LRMDA: variants seen among roughly 807,000 people sequenced by gnomAD.
LRMDA encodes leucine rich melanocyte differentiation associated.
A neutral mutation model predicts 29.8 loss-of-function variants in LRMDA; 18 were observed. That is an observed-to-expected ratio of 0.60 (90% CI 0.42 to 0.90). The LOEUF (loss-of-function observed/expected upper bound fraction) is 0.90. LRMDA is among the 40% of genes least tolerant of loss of function. LRMDA has a pLI of 0.00. For synonymous variants in LRMDA, 125 were observed against 109.4 expected, an observed-to-expected ratio of 1.14 and a Z score of -0.89; for missense variants, 273 against 273.9, an observed-to-expected ratio of 1.00 and a Z score of 0.02.
At position 75,738,044 on chromosome 10, in the gene LRMDA, G is replaced by A. The variant is rs553521908; in HGVS notation, c.132-297964G>A. On this transcript the variant is annotated intron_variant, in intron 2 of 6. Transcript: ENST00000611255. ...CCATTTTTACAAGCTGTCAAGAAACGATGTTCATAGAAACTTCCACTTTTG... is the reference window on the plus strand; with the variant it reads ...CCATTTTTACAAGCTGTCAAGAAACAATGTTCATAGAAACTTCCACTTTTG... Among the ~76,000 whole-genome samples, 6 of 152,254 alleles carry A rather than the reference G, an allele frequency of 3.9e-5. No individual in the cohort carries two copies. In the East Asian group the frequency reaches 9.7e-4, roughly 25 times the overall value.
At chr10:76,175,755 T>G (rs1850922440) in intron 5 of LRMDA, among the ~76,000 whole-genome samples, 1 of 152,162 alleles carries the variant, frequency 6.6e-6, no homozygotes, top group Non-Finnish European at 1.5e-5. Flanking sequence ...GGGCAGACCC[T>G]GCAAACAATC....
chr10:76,195,935 C>T (rs1460270600), intron 5 of LRMDA, among the ~76,000 whole-genome samples: 1 of 152,198 alleles, frequency 6.6e-6, no homozygotes, highest in Non-Finnish European at 1.5e-5. Flanking sequence ...TTACTTTGGT[C>T]TCCTTGTCAG....
chr10:76,407,918 A>G (rs1395885389), intron 6 of LRMDA, among the ~76,000 whole-genome samples: 2 of 152,218 alleles, frequency 1.3e-5, no homozygotes, highest in Non-Finnish European at 2.9e-5. Context: ...TTAGATTATC[A>G]GAGCTGGACC....
chr10:76,503,397 G>A (rs1341311609), intron 6 of LRMDA, among the ~76,000 whole-genome samples: 1 of 151,488 alleles, frequency 6.6e-6, no homozygotes, highest in African/African-American at 2.4e-5. Flanking sequence ...AGTAGGATTG[G>A]TACCCATTTT....
At chr10:76,103,655 A>T (rs1311591692) in intron 5 of LRMDA, among the ~76,000 whole-genome samples, 1 of 152,190 alleles carries the variant, frequency 6.6e-6, no homozygotes, top group Non-Finnish European at 1.5e-5. Flanking sequence ...GATAGTTTAT[A>T]TCTCTCTCAT....
intron 5 of LRMDA, among the ~76,000 whole-genome samples, chr10:76,144,423 G>A (rs1850270366): frequency 6.6e-6 from 1 of 151,908 alleles, no homozygotes; most frequent in Non-Finnish European, 1.5e-5. Context: ...TTGTAAGTTG[G>A]ATTCCTAGGT....
chr10:76,066,300 A>T (rs977037314), intron 5 of LRMDA, among the ~76,000 whole-genome samples: 1 of 152,192 alleles, frequency 6.6e-6, no homozygotes, highest in Non-Finnish European at 1.5e-5. Context: ...AACTTCCCTG[A>T]TATGTGAGTT....
chr10:75,791,850 C>A (rs968409546), intron 2 of LRMDA, among the ~76,000 whole-genome samples: 4 of 143,956 alleles, frequency 2.8e-5, no homozygotes, highest in African/African-American at 7.6e-5. Flanking sequence ...TTTGGGATTC[C>A]AGGATCTTTT....
chr10:75,460,017 G>A lies in LRMDA; in HGVS notation c.131+21523G>A, dbSNP rs145086545. Among the ~76,000 whole-genome samples, 27 of 152,318 alleles carry A rather than the reference G, an allele frequency of 1.8e-4. No homozygotes were observed. The East Asian group carries it at 4.8e-3, about 27-fold the overall frequency. On this transcript the variant is annotated intron_variant, in intron 2 of 6. Coordinates refer to ENST00000611255, the MANE Select transcript of LRMDA (RefSeq NM_001305581.2). ...GAACACATTCAAACCATAGCACTGGGTTTGGTATTAAGGTTAGAGACAAAA... is the reference window on the plus strand; with the variant it reads ...GAACACATTCAAACCATAGCACTGGATTTGGTATTAAGGTTAGAGACAAAA...
At chr10:75,799,788 C>T (rs550760327) in intron 2 of LRMDA, among the ~76,000 whole-genome samples, 7 of 151,698 alleles carry the variant, frequency 4.6e-5, no homozygotes, top group East Asian at 1.9e-4. Flanking sequence ...TCAAGTGATC[C>T]GCTCACCTTG....
At chr10:76,212,217 T>G (rs1466049636) in intron 5 of LRMDA, among the ~76,000 whole-genome samples, 1 of 150,480 alleles carries the variant, frequency 6.6e-6, no homozygotes, top group Admixed American at 6.7e-5. Context: ...TTTTTCTTTT[T>G]GTATGGTGTG....
intron 2 of LRMDA, among the ~76,000 whole-genome samples, chr10:75,841,919 G>A (rs955543123): frequency 9.9e-5 from 15 of 152,114 alleles, no homozygotes; most frequent in African/African-American, 3.1e-4. Context: ...TTGGAGTCTC[G>A]TTTCCCCTCT....
intron 2 of LRMDA, among the ~76,000 whole-genome samples, chr10:75,901,459 A>T (rs1304115648): frequency 6.6e-6 from 1 of 152,232 alleles, no homozygotes; most frequent in Non-Finnish European, 1.5e-5. Context: ...CATTCTGGAT[A>T]AGAAGACATG....
At chr10:76,453,761 T>C (rs1842429608) in intron 6 of LRMDA, among the ~76,000 whole-genome samples, 1 of 152,222 alleles carries the variant, frequency 6.6e-6, no homozygotes, top group Non-Finnish European at 1.5e-5. Flanking sequence ...ATTCCAGAAA[T>C]TCCTTTATTA....
intron 5 of LRMDA, among the ~76,000 whole-genome samples, chr10:76,298,863 T>C (rs1840444728): frequency 6.6e-6 from 1 of 152,202 alleles, no homozygotes. Flanking sequence ...TAATTGTTTC[T>C]GGCATCATGT....
chr10:75,542,707 C>G (rs1840032423), intron 2 of LRMDA, among the ~76,000 whole-genome samples: 1 of 152,196 alleles, frequency 6.6e-6, no homozygotes, highest in Admixed American at 6.5e-5. Flanking sequence ...CACTACACCC[C>G]CAATGGGGTG....
At chr10:75,655,448 G>A (rs1841656712) in intron 2 of LRMDA, among the ~76,000 whole-genome samples, 1 of 152,246 alleles carries the variant, frequency 6.6e-6, no homozygotes, top group African/African-American at 2.4e-5. Flanking sequence ...AGCCTGCCAT[G>A]CATCTGGTCA....
At chr10:75,752,064 G>A (rs1343710547) in intron 2 of LRMDA, among the ~76,000 whole-genome samples, 8 of 151,250 alleles carry the variant, frequency 5.3e-5, no homozygotes, top group African/African-American at 1.9e-4. Context: ...CAAAGATTGG[G>A]ACTGAGGCTC....
chr10:76,389,160 G>A (rs182443196), intron 6 of LRMDA, among the ~76,000 whole-genome samples: 1 of 152,304 alleles, frequency 6.6e-6, no homozygotes, highest in Non-Finnish European at 1.5e-5. Context: ...GTGGGTAGAT[G>A]GTTGGAATGG....
Sources: gnomAD v4.1 joint callset for allele counts (sites outside exome capture counted in the v4.1 genomes callset) on GRCh38, gnomAD v4.1.1 for gene constraint, MANE v1.5 for transcripts, NCBI Gene and HGNC (gene_info 2026-07-23, HGNC 2026-07-21) for gene names.